The following FRY variants were observed in gnomAD, a reference collection of about 807,000 sequenced individuals.
The protein encoded by FRY is protein furry homolog.
In FRY, 128 loss-of-function variants were observed where a neutral mutation model predicts 348.4. The ratio of observed to expected loss-of-function variants is 0.37; its 90% CI spans 0.32 to 0.43. The LOEUF (loss-of-function observed/expected upper bound fraction) is 0.43, where lower values mean the gene tolerates loss of function less well. FRY is among the 20% of genes least tolerant of loss of function. The pLI is 1.00. For missense variants in FRY, 2,736 were observed against 3,695.2 expected, an observed-to-expected ratio of 0.74 and a Z score of 6.73; for synonymous variants, 1,370 against 1,374.7, an observed-to-expected ratio of 1.00 and a Z score of 0.08.
At chr13:32,277,643 A>G (rs1205387340) in intron 57 of FRY, among the ~76,000 whole-genome samples, 1 of 122,466 alleles carries the variant, frequency 8.2e-6, no homozygotes, top group Non-Finnish European at 1.7e-5. Context: ...CATAGAAAGA[A>G]AATGTTCATT....
chr13:32,193,588 G>A (rs752875762), intron 28 of FRY, among the ~76,000 whole-genome samples: 19 of 89,894 alleles, frequency 2.1e-4, no homozygotes, highest in Non-Finnish European at 4.5e-4. Context: ...TAAAGTCTTC[G>A]TCCTTTTTTT....
intron 7 of FRY, 55 bp downstream of exon 7, chr13:32,124,930 T>C (rs913732336): frequency 7.8e-7 from 1 of 1,286,714 alleles, no homozygotes; most frequent in African/African-American, 1.5e-5. Context: ...TCACTGTCCT[T>C]CCAGCCCTAA....
At chr13:32,189,626 GAA>G (rs1237204080) in intron 28 of FRY, among the ~76,000 whole-genome samples, 1 of 151,852 alleles carries the variant, frequency 6.6e-6, no homozygotes, top group Non-Finnish European at 1.5e-5. Context: ...GTTCAATCAA[GAA>G]AGAGAGAGTG....
rs1378237964 is a variant in FRY, at chr13:32,194,131, C to G, written c.3592-12C>G. 1 of 1,609,950 alleles carries G rather than the reference C, an allele frequency of 6.2e-7. No individual in the cohort carries two copies. ...CAAATGGGAATAATATTGATTTGCT[C>G]CATGTATTCAGGTTCATCAACTTGG... On this transcript the variant is annotated splice_polypyrimidine_tract_variant and intron_variant, in intron 28 of 60. Coordinates refer to ENST00000542859, the MANE Select transcript of FRY (RefSeq NM_023037.3).
Position 32,185,102 on chromosome 13 carries a change from G to A in FRY, c.3273G>A (p.Arg1091=). Residue 1091 remains arginine, a synonymous_variant, in exon 26 of 61, where the codon CGG becomes CGA. Transcript: ENST00000542859. ...DKEVEILKDI[R]AHFSAMVANL... is the part of the protein sequence containing the mutation. ...AAGTTGAAATTCTTAAAGATATCCG[G>A]GCACATTTTAGTGCAATGGTGGCCA... 6.2e-7 allele frequency: 1 copy of A among 1,613,982 alleles called. No homozygotes were observed. Among genetic ancestry groups the A allele is most frequent in the South Asian group, 1.1e-5 (1 of 91,074 alleles).
intron 46 of FRY, among the ~76,000 whole-genome samples, chr13:32,243,297 A>G (rs546168798): frequency 2.0e-5 from 3 of 152,320 alleles, no homozygotes; most frequent in African/African-American, 4.8e-5. Context: ...GTTAACTTAT[A>G]TATCCATTTC....
At position 32,261,377 on chromosome 13, in the gene FRY, C is replaced by T; in HGVS notation, c.7417-239C>T. ...TTTTAAAAAATGTAATTATTACCCA[C>T]CATGCCAAAGAAAAGTATGTAATCA... On this transcript the variant is annotated intron_variant, in intron 51 of 60. Transcript: ENST00000542859. 4.4e-6 allele frequency: 3 copies of T among 684,572 alleles called. No homozygotes were observed. The South Asian group carries it at 4.6e-5, about 11-fold the overall frequency. 42.4% of individuals were successfully genotyped at this position (684,572 alleles called of 1,614,324 possible).
chr13:32,130,791 T>TA (rs1416176957), intron 7 of FRY, among the ~76,000 whole-genome samples: 5 of 150,982 alleles, frequency 3.3e-5, no homozygotes, highest in African/African-American at 9.8e-5. Context: ...ACCTTTTAGA[T>TA]ATAATTTAAA....
intron 47 of FRY, among the ~76,000 whole-genome samples, chr13:32,246,939 C>A (rs1285278927): frequency 8.8e-6 from 1 of 113,898 alleles, no homozygotes; most frequent in Non-Finnish European, 1.8e-5. Flanking sequence ...AGAAGGAGGA[C>A]CAAGAAGACT....
At chr13:32,121,459 G>GTTTTTT (rs1244515987) in intron 4 of FRY, among the ~76,000 whole-genome samples, 1 of 151,746 alleles carries the variant, frequency 6.6e-6, no homozygotes, top group South Asian at 2.1e-4. Flanking sequence ...TTTGTTTTTT[G>GTTTTTT]TTTTTATGGC....
chr13:32,032,333 T>C (rs1007154654), intron 1 of FRY, among the ~76,000 whole-genome samples: 6 of 152,208 alleles, frequency 3.9e-5, no homozygotes, highest in African/African-American at 1.4e-4. Flanking sequence ...TTTAGGGTAT[T>C]GTCTGAAGAA....
chr13:32,171,192 G>A lies in FRY; in HGVS notation c.2073G>A (p.Gln691=). The change falls in exon 18 of 61, where the codon CAG becomes CAA. Residue 691 remains glutamine, a synonymous_variant. Transcript: ENST00000542859. ...LLDSSLKLLL[Q]LLTQWKLVIQ... is the part of the protein sequence containing the mutation. ...ATTCGTCCCTGAAGTTGCTGCTGCAGCTGCTCACCCAGTGGAAACTAGTCA... is the reference window on the plus strand; with the variant it reads ...ATTCGTCCCTGAAGTTGCTGCTGCAACTGCTCACCCAGTGGAAACTAGTCA... 6.2e-7 allele frequency: 1 copy of A among 1,613,192 alleles called. No individual in the cohort carries two copies. Among genetic ancestry groups the A allele is most frequent in the Non-Finnish European group, 8.5e-7 (1 of 1,179,464 alleles).
intron 1 of FRY, chr13:32,060,934 G>A: frequency 1.1e-5 from 4 of 375,772 alleles, no homozygotes. Flanking sequence ...TTTAGCACCT[G>A]ACTAAAAATA....
At chr13:32,177,628 C>T (rs1352523035) in intron 20 of FRY, among the ~76,000 whole-genome samples, 1 of 122,248 alleles carries the variant, frequency 8.2e-6, no homozygotes, top group Non-Finnish European at 1.8e-5. Flanking sequence ...AATAAGAATA[C>T]GTAGATATCT....
At chr13:32,061,753 C>T (rs1403365790) in intron 1 of FRY, among the ~76,000 whole-genome samples, 1 of 152,124 alleles carries the variant, frequency 6.6e-6, no homozygotes, top group Admixed American at 6.5e-5. Context: ...TTAAATGGGT[C>T]CAAATTGCAT....
intron 55 of FRY, among the ~76,000 whole-genome samples, chr13:32,270,337 A>C (rs1026243164): frequency 4.6e-5 from 7 of 151,726 alleles, no homozygotes; most frequent in Admixed American, 2.6e-4. Context: ...CCTCCCGAGT[A>C]GCTGGGATTA....
intron 50 of FRY, among the ~76,000 whole-genome samples, chr13:32,253,990 AG>A: frequency 6.6e-6 from 1 of 152,326 alleles, no homozygotes; most frequent in African/African-American, 2.4e-5. Context: ...TCCATTAAAA[AG>A]CAGCGACGTG....
chr13:32,179,405 A>G (rs764993463), intron 22 of FRY, among the ~76,000 whole-genome samples: 2 of 152,094 alleles, frequency 1.3e-5, no homozygotes, highest in Non-Finnish European at 2.9e-5. Context: ...AGATAGCTTT[A>G]TAGACTTAAA....
chr13:32,244,220 T>TC (rs1566163293), intron 47 of FRY, 38 bp downstream of exon 47: 20 of 1,592,032 alleles, frequency 1.3e-5, no homozygotes, highest in Non-Finnish European at 1.7e-5. Context: ...AACCAGTCGT[T>TC]CTAAAAAGAT....
Sources: gnomAD v4.1 joint callset for allele counts (sites outside exome capture counted in the v4.1 genomes callset) on GRCh38, gnomAD v4.1.1 for gene constraint, MANE v1.5 for transcripts, NCBI Gene and HGNC (gene_info 2026-07-23, HGNC 2026-07-21) for gene names.